VTA1: variants seen among roughly 807,000 people sequenced by gnomAD.
The protein encoded by VTA1 is vacuolar protein sorting-associated protein VTA1 homolog.
VTA1 carries 24 observed loss-of-function variants against 36.9 expected under a neutral mutation model. That is an observed-to-expected ratio of 0.65 (90% confidence interval 0.47 to 0.91). The LOEUF (loss-of-function observed/expected upper bound fraction) is 0.91. VTA1 is among the 40% of genes least tolerant of loss of function. The pLI is 0.00. For missense variants in VTA1, 393 were observed against 377.2 expected (o/e 1.04, Z -0.35); for synonymous variants, 142 against 130.2 (o/e 1.09, Z -0.62).
chr6:142,189,062 A>T (rs938769947), intron 4 of VTA1, among the ~76,000 whole-genome samples: 1 of 152,080 alleles, frequency 6.6e-6, no homozygotes, highest in African/African-American at 2.4e-5. Flanking sequence ...AAAATAATTC[A>T]ATCTATTGTT....
chr6:142,189,230 T>G (rs547697276), intron 4 of VTA1, among the ~76,000 whole-genome samples, 196 bp from the exon 5 acceptor site: 1 of 152,336 alleles, frequency 6.6e-6, no homozygotes, highest in South Asian at 2.1e-4. Context: ...TTGAGGACAA[T>G]AGCTTTTCAT....
At chr6:142,217,688 T>C (rs1229427359) in intron 7 of VTA1, among the ~76,000 whole-genome samples, 3 of 151,976 alleles carry the variant, frequency 2.0e-5, no homozygotes, top group African/African-American at 7.2e-5. Context: ...TTATAGTCTA[T>C]GCCTCCCAGC....
intron 1 of VTA1, among the ~76,000 whole-genome samples, chr6:142,153,725 A>T (rs1434193367): frequency 6.6e-6 from 1 of 152,096 alleles, no homozygotes; most frequent in East Asian, 1.9e-4. Flanking sequence ...GAACTTTTTA[A>T]TGTAAGTAGC....
At chr6:142,182,256 C>T (rs1775256205) in intron 4 of VTA1, among the ~76,000 whole-genome samples, 1 of 152,162 alleles carries the variant, frequency 6.6e-6, no homozygotes, top group Non-Finnish European at 1.5e-5. Context: ...ACAGTACAAG[C>T]TACCTATTCT....
intron 4 of VTA1, among the ~76,000 whole-genome samples, chr6:142,187,948 G>T (rs1775374936): frequency 1.4e-5 from 2 of 141,920 alleles, no homozygotes; most frequent in African/African-American, 2.6e-5. Context: ...AGGAGGTCCG[G>T]AGCTGGGCTG....
intron 1 of VTA1, among the ~76,000 whole-genome samples, chr6:142,149,043 C>T (rs184139451): frequency 6.6e-6 from 1 of 152,312 alleles, no homozygotes; most frequent in Admixed American, 6.5e-5. Flanking sequence ...CGTCCTTTCC[C>T]TCTAGATTTT....
intron 7 of VTA1, among the ~76,000 whole-genome samples, chr6:142,210,772 A>T (rs1041303722): frequency 6.6e-6 from 1 of 152,198 alleles, no homozygotes. Flanking sequence ...TCAAATAACT[A>T]AAAATAGAAG....
At chr6:142,196,793 G>T (rs1307088425) in intron 5 of VTA1, among the ~76,000 whole-genome samples, 2 of 151,922 alleles carry the variant, frequency 1.3e-5, no homozygotes, top group Non-Finnish European at 1.5e-5. Context: ...TTGATAACAT[G>T]TTGAAGCTCC....
intron 4 of VTA1, among the ~76,000 whole-genome samples, chr6:142,182,325 G>A (rs1489121867): frequency 6.6e-6 from 1 of 152,138 alleles, no homozygotes; most frequent in Non-Finnish European, 1.5e-5. Context: ...AGGAGTGATA[G>A]GATAGGAGAT....
At chr6:142,217,543 C>CGT (rs1015586112) in intron 7 of VTA1, among the ~76,000 whole-genome samples, 102 of 151,126 alleles carry the variant, frequency 6.7e-4, no homozygotes, top group African/African-American at 2.3e-3. Context: ...TTTTATGCTG[C>CGT]GTGTGTGTAT....
At chr6:142,164,475 T>C (rs1774876050) in intron 1 of VTA1, among the ~76,000 whole-genome samples, 1 of 152,154 alleles carries the variant, frequency 6.6e-6, no homozygotes, top group African/African-American at 2.4e-5. Context: ...CTCTGTAATA[T>C]GAGATAGCCC....
chr6:142,152,087 T>C (rs9376675), intron 1 of VTA1, among the ~76,000 whole-genome samples: 39,637 of 151,602 alleles, frequency 0.26, 5,850 homozygotes, highest in East Asian at 0.68. Context: ...GCTGATGAGA[T>C]TGAACCTTAT....
At chr6:142,213,121 T>G (rs1422635619) in intron 7 of VTA1, among the ~76,000 whole-genome samples, 1 of 152,084 alleles carries the variant, frequency 6.6e-6, no homozygotes, top group Admixed American at 6.5e-5. Context: ...CAAAAACAAG[T>G]TAGTTACTTC....
chr6:142,162,281 T>C (rs1308992424), intron 1 of VTA1, among the ~76,000 whole-genome samples: 1 of 152,190 alleles, frequency 6.6e-6, no homozygotes, highest in Non-Finnish European at 1.5e-5. Flanking sequence ...ACCTTATTTC[T>C]CTACTGTCTA....
chr6:142,186,801 T>C (rs1165198949), intron 4 of VTA1, among the ~76,000 whole-genome samples: 2 of 152,014 alleles, frequency 1.3e-5, no homozygotes, highest in African/African-American at 4.8e-5. Flanking sequence ...TATTTAAAGC[T>C]ATGGGAAGGC....
At chr6:142,151,637 G>A (rs577329055) in intron 1 of VTA1, among the ~76,000 whole-genome samples, 58 of 152,342 alleles carry the variant, frequency 3.8e-4, no homozygotes, top group African/African-American at 1.4e-3. Context: ...TTAGCAACTG[G>A]CATTGCCATT....
rs1776154658 is a variant in VTA1, at chr6:142,223,820, G to A, written c.*5177G>A. The A allele has an allele frequency of 6.6e-6, 1 of 152,116 alleles. No homozygotes were observed. The highest frequency in any genetic ancestry group is 1.9e-4 in the East Asian group (1 of 5,182). The allele number at this position is 152,116 out of a possible 1,614,324, so 9.4% of individuals were successfully genotyped here. A position where few individuals can be genotyped will look rare whatever the true frequency, so the allele number is the denominator to read the frequency against. On this transcript the variant is annotated 3_prime_UTR_variant, in exon 8 of 8. Coordinates refer to ENST00000367630, the MANE Select transcript of VTA1 (RefSeq NM_016485.5). ...CTTCACAGATAAGGTTGAGCTGAAG[G>A]TTTGGCAGGCAGGGAAGCAAGGAGA...
intron 1 of VTA1, among the ~76,000 whole-genome samples, chr6:142,148,290 A>T (rs1380960674): frequency 6.6e-6 from 1 of 152,170 alleles, no homozygotes; most frequent in African/African-American, 2.4e-5. Flanking sequence ...CTCCAAATGT[A>T]CCCTGTTTCT....
At chr6:142,169,721 CTG>C in intron 3 of VTA1, 44 bp downstream of exon 3, 1 of 1,455,554 alleles carries the variant, frequency 6.9e-7, no homozygotes, top group Non-Finnish European at 9.0e-7. Flanking sequence ...AATTTTGTAA[CTG>C]TATAACCAAA....
Sources: allele counts gnomAD v4.1 joint callset (sites outside exome capture counted in the v4.1 genomes callset), GRCh38; gene constraint gnomAD v4.1.1; transcripts MANE v1.5; gene names NCBI Gene and HGNC (gene_info 2026-07-23, HGNC 2026-07-21).